The following TLE4 variants were observed in gnomAD, a reference collection of about 807,000 sequenced individuals.
TLE4 encodes the protein TLE family member 4, transcriptional corepressor, also known as transducin-like enhancer protein 4.
TLE4 carries 8 observed loss-of-function variants against 92.8 expected under a neutral mutation model. The observed-to-expected ratio is 0.09, with a 90% confidence interval of 0.05 to 0.16. The LOEUF (loss-of-function observed/expected upper bound fraction) is 0.16, where lower values mean the gene tolerates loss of function less well. Among genes scored for constraint, TLE4 ranks in the 10% least tolerant of loss-of-function variants. The pLI is 1.00. For missense variants in TLE4, 675 were observed against 997.6 expected, an observed-to-expected ratio of 0.68 and a Z score of 4.36; for synonymous variants, 371 against 374.1, an observed-to-expected ratio of 0.99 and a Z score of 0.10.
intron 6 of TLE4, among the ~76,000 whole-genome samples, chr9:79,650,807 A>C (rs2058832552): frequency 6.6e-6 from 1 of 152,098 alleles, no homozygotes; most frequent in Non-Finnish European, 1.5e-5. Flanking sequence ...TTCATACTTT[A>C]TTCTATTGAC....
intron 4 of TLE4, among the ~76,000 whole-genome samples, chr9:79,589,774 C>G (rs895072419): frequency 2.0e-5 from 3 of 152,170 alleles, no homozygotes; most frequent in Admixed American, 6.5e-5. Context: ...ATATGATAGA[C>G]CGGGCTGCCT....
intron 8 of TLE4, 143 bp from the exon 9 acceptor site, chr9:79,704,640 T>A (rs922752829): frequency 1.8e-6 from 2 of 1,084,346 alleles, no homozygotes; most frequent in Non-Finnish European, 2.6e-6. Context: ...TTTCGTCTCC[T>A]CCGCTTTCTC....
chr9:79,643,074 A>G (rs941296780), intron 6 of TLE4, among the ~76,000 whole-genome samples: 1 of 152,090 alleles, frequency 6.6e-6, no homozygotes, highest in Admixed American at 6.5e-5. Context: ...AGCTTTTTCT[A>G]GAGATATTTG....
chr9:79,631,615 A>AGTGTGTGTGTGT (rs2054218595), intron 6 of TLE4, among the ~76,000 whole-genome samples: 2 of 29,604 alleles, frequency 6.8e-5, no homozygotes, highest in Admixed American at 3.3e-4. Context: ...TTGAACCTTA[A>AGTGTGTGTGTGT]ATGTGTGTGT....
chr9:79,641,885 T>C (rs1316792080), intron 6 of TLE4, among the ~76,000 whole-genome samples: 1 of 152,054 alleles, frequency 6.6e-6, no homozygotes, highest in Non-Finnish European at 1.5e-5. Flanking sequence ...TTTAGCGTTC[T>C]TCAAATTGCA....
chr9:79,693,799 A>G (rs530659379), intron 8 of TLE4: 1 of 319,060 alleles, frequency 3.1e-6, no homozygotes, highest in African/African-American at 2.3e-5. Flanking sequence ...CTGAGCTAGC[A>G]TTCTTTTTAA....
intron 8 of TLE4, among the ~76,000 whole-genome samples, chr9:79,659,946 A>T (rs1346777114): frequency 6.6e-6 from 1 of 152,192 alleles, no homozygotes; most frequent in African/African-American, 2.4e-5. Context: ...CGGTCAGCAT[A>T]CATTTCTAGA....
intron 14 of TLE4, 31 bp from the exon 15 acceptor site, chr9:79,718,691 C>T (rs780793235): frequency 1.9e-6 from 3 of 1,586,900 alleles, no homozygotes; most frequent in South Asian, 2.2e-5. Flanking sequence ...TTTACATTCC[C>T]CTCTTTCTTT....
chr9:79,699,580 T>G (rs2069205911), intron 8 of TLE4, among the ~76,000 whole-genome samples: 1 of 152,210 alleles, frequency 6.6e-6, no homozygotes, highest in African/African-American at 2.4e-5. Context: ...TGATTTACCC[T>G]TTTGTACCGT....
intron 8 of TLE4, among the ~76,000 whole-genome samples, chr9:79,665,299 C>T (rs1384252677): frequency 2.0e-5 from 3 of 152,188 alleles, no homozygotes; most frequent in Non-Finnish European, 2.9e-5. Context: ...ATTGATTCAG[C>T]AGCTGGAGGG....
chr9:79,698,191 C>T (rs2068782554), intron 8 of TLE4, among the ~76,000 whole-genome samples: 1 of 152,194 alleles, frequency 6.6e-6, no homozygotes, highest in Non-Finnish European at 1.5e-5. Context: ...GGTCACATAG[C>T]AAGTGTTACA....
intron 4 of TLE4, among the ~76,000 whole-genome samples, chr9:79,582,491 T>G (rs2039930505): frequency 6.6e-6 from 1 of 152,224 alleles, no homozygotes; most frequent in Non-Finnish European, 1.5e-5. Flanking sequence ...GTTCTTCACA[T>G]TCTTCATTTA....
chr9:79,693,300 C>T (rs1288752453), intron 8 of TLE4, among the ~76,000 whole-genome samples: 1 of 152,132 alleles, frequency 6.6e-6, no homozygotes, highest in African/African-American at 2.4e-5. Context: ...ATCTCCCCCA[C>T]CCAACCTCTG....
At chr9:79,588,388 T>G (rs1281069066) in intron 4 of TLE4, among the ~76,000 whole-genome samples, 1 of 152,094 alleles carries the variant, frequency 6.6e-6, no homozygotes, top group African/African-American at 2.4e-5. Context: ...GGCCTCGTGA[T>G]CCCACCCACC....
At chr9:79,615,880 A>G (rs751355909) in intron 5 of TLE4, among the ~76,000 whole-genome samples, 15 of 152,212 alleles carry the variant, frequency 9.9e-5, no homozygotes, top group Admixed American at 6.5e-5. Context: ...CCAGCGTTAC[A>G]GGCATTTGAC....
At chr9:79,665,140 C>G (rs1483506055) in intron 8 of TLE4, among the ~76,000 whole-genome samples, 1 of 152,186 alleles carries the variant, frequency 6.6e-6, no homozygotes, top group African/African-American at 2.4e-5. Flanking sequence ...AAAGGCACAG[C>G]TATACCTCTG....
chr9:79,720,412 GTGTGTGTGTGTGTA>G lies in TLE4; in HGVS notation c.1838+120_1838+133del, dbSNP rs913430369. Reference sequence around the variant, plus strand: ...TGTGTGTGTGTGTGTGTGTGTGTGTGTGTGTGTGTGTGTAAAGTGATATAATTATCTTACTAAAA... The same window carrying G: ...TGTGTGTGTGTGTGTGTGTGTGTGTGAAGTGATATAATTATCTTACTAAAA... On this transcript the variant is annotated intron_variant, in intron 16 of 19. Coordinates refer to ENST00000376552, the MANE Select transcript of TLE4 (RefSeq NM_007005.6). 25 of 1,222,544 alleles carry G rather than the reference GTGTGTGTGTGTGTA, an allele frequency of 2.0e-5. No individual in the cohort carries two copies. In the African/African-American group the frequency reaches 3.3e-4, roughly 16 times the overall value. 75.7% of individuals were successfully genotyped at this position (1,222,544 alleles called of 1,614,324 possible).
intron 4 of TLE4, among the ~76,000 whole-genome samples, chr9:79,578,942 C>CAA (rs11322127): frequency 1.6e-3 from 162 of 101,270 alleles, no homozygotes; most frequent in African/African-American, 3.3e-3. Flanking sequence ...GCAGATGAAG[C>CAA]AAAAAAAAAA....
chr9:79,703,530 A>G (rs781251517), intron 8 of TLE4, among the ~76,000 whole-genome samples: 5 of 152,208 alleles, frequency 3.3e-5, no homozygotes, highest in Non-Finnish European at 7.4e-5. Context: ...AATGTGCCCA[A>G]TAACCACCTG....
Sources: gnomAD v4.1 joint callset for allele counts (sites outside exome capture counted in the v4.1 genomes callset) on GRCh38, gnomAD v4.1.1 for gene constraint, MANE v1.5 for transcripts, NCBI Gene and HGNC (gene_info 2026-07-23, HGNC 2026-07-21) for gene names.